The following MUSK variants were observed in gnomAD, a reference collection of about 807,000 sequenced individuals.
The protein encoded by MUSK is muscle, skeletal receptor tyrosine-protein kinase.
A neutral mutation model predicts 88.7 loss-of-function variants in MUSK; 55 were observed. That is an observed-to-expected ratio of 0.62 (90% CI 0.50 to 0.78). The LOEUF (loss-of-function observed/expected upper bound fraction) is 0.78, where lower values mean the gene tolerates loss of function less well. Ranked by LOEUF, MUSK falls within the 30% of genes least tolerant of loss-of-function variation. MUSK has a pLI of 0.00. For missense variants in MUSK, 1,015 were observed against 1,074.3 expected (o/e 0.94, Z 0.77); for synonymous variants, 387 against 391.9 (o/e 0.99, Z 0.15).
rs901284623 is a variant in MUSK, at chr9:110,801,714, C to G, written c.*726C>G. 1 of 152,032 alleles carries G rather than the reference C, an allele frequency of 6.6e-6. No individual in the cohort carries two copies. The highest frequency in any genetic ancestry group is 1.5e-5 in the Non-Finnish European group (1 of 67,984). 9.4% of individuals were successfully genotyped at this position (152,032 alleles called of 1,614,324 possible). A position where few individuals can be genotyped will look rare whatever the true frequency, so the allele number is the denominator to read the frequency against. On this transcript the variant is annotated 3_prime_UTR_variant, in exon 15 of 15. Transcript: ENST00000374448. ...CTGCTTATTTTATTCCTCCAGTTTT[C>G]TTGAAACAAGTTTTTGTATCTTACT...
At chr9:110,776,728 A>G (rs374688146) in intron 11 of MUSK, 73 bp downstream of exon 11, 8 of 1,269,594 alleles carry the variant, frequency 6.3e-6, no homozygotes, top group African/African-American at 6.0e-5. Flanking sequence ...GTTTACACTT[A>G]TATTTCCTGA....
intron 9 of MUSK, among the ~76,000 whole-genome samples, chr9:110,771,374 G>C (rs1258638958): frequency 1.3e-5 from 2 of 151,872 alleles, no homozygotes; most frequent in Non-Finnish European, 2.9e-5. Flanking sequence ...ACAGGCGTGA[G>C]CCACCGCGCC....
chr9:110,766,909 A>C (rs193205916), intron 8 of MUSK, among the ~76,000 whole-genome samples: 1 of 152,348 alleles, frequency 6.6e-6, no homozygotes, highest in African/African-American at 2.4e-5. Context: ...AGGTGAGAAT[A>C]TGAGTTGTTA....
chr9:110,726,828 C>T (rs774788850), intron 5 of MUSK, among the ~76,000 whole-genome samples: 8 of 151,972 alleles, frequency 5.3e-5, no homozygotes, highest in Non-Finnish European at 1.2e-4. Context: ...AAAGATGTGT[C>T]CAGCCCGAAG....
chr9:110,752,068 T>C (rs757032546), intron 7 of MUSK, among the ~76,000 whole-genome samples: 13 of 152,148 alleles, frequency 8.5e-5, no homozygotes, highest in Admixed American at 6.5e-4. Context: ...CACTGATTAT[T>C]AGGGGACTTG....
chr9:110,720,104 T>C (rs974834685), intron 5 of MUSK, among the ~76,000 whole-genome samples: 2 of 151,852 alleles, frequency 1.3e-5, no homozygotes, highest in Non-Finnish European at 2.9e-5. Flanking sequence ...GCAAAAACGG[T>C]ACTAAGAGGA....
intron 5 of MUSK, among the ~76,000 whole-genome samples, chr9:110,703,897 G>C (rs72754594): frequency 3.9e-5 from 6 of 152,086 alleles, no homozygotes; most frequent in African/African-American, 1.4e-4. Context: ...AGTCCCAATC[G>C]GTAAAAATGA....
intron 7 of MUSK, among the ~76,000 whole-genome samples, chr9:110,752,330 A>G (rs2131891148): frequency 6.6e-6 from 1 of 152,342 alleles, no homozygotes; most frequent in Non-Finnish European, 1.5e-5. Flanking sequence ...TCGATGAAAA[A>G]GGGATCCTTG....
At chr9:110,691,128 G>C (rs897511770) in intron 3 of MUSK, among the ~76,000 whole-genome samples, 2 of 151,998 alleles carry the variant, frequency 1.3e-5, no homozygotes, top group Non-Finnish European at 2.9e-5. Flanking sequence ...GCCTCCCAAA[G>C]TTCTGGGATT....
At chr9:110,693,763 CATT>C (rs2076389739) in intron 3 of MUSK, among the ~76,000 whole-genome samples, 1 of 152,162 alleles carries the variant, frequency 6.6e-6, no homozygotes, top group Admixed American at 6.5e-5. Context: ...TTACCTAAGA[CATT>C]ATCTGTGCCT....
At chr9:110,781,505 T>A (rs1234323597) in intron 11 of MUSK, among the ~76,000 whole-genome samples, 2 of 152,200 alleles carry the variant, frequency 1.3e-5, no homozygotes, top group Non-Finnish European at 2.9e-5. Flanking sequence ...CTCGATCTCC[T>A]GACCTCGTGA....
intron 3 of MUSK, among the ~76,000 whole-genome samples, chr9:110,690,270 G>A (rs1174672769): frequency 2.1e-5 from 2 of 95,260 alleles, no homozygotes; most frequent in Non-Finnish European, 3.7e-5. Context: ...ATATATTTAA[G>A]TACAAATATA....
At chr9:110,690,030 T>A (rs1398739560) in intron 3 of MUSK, among the ~76,000 whole-genome samples, 2 of 95,548 alleles carry the variant, frequency 2.1e-5, no homozygotes, top group African/African-American at 4.4e-5. Context: ...ATATATTATA[T>A]ATTAATATAA....
At chr9:110,776,758 A>G in intron 11 of MUSK, 103 bp downstream of exon 11, 1 of 1,012,808 alleles carries the variant, frequency 9.9e-7, no homozygotes, top group Non-Finnish European at 1.4e-6. Context: ...CAGAATGTAC[A>G]GCCGCTCTCA....
In MUSK at chr9:110,680,024, T is replaced by C. The variant is rs1306360647; in HGVS notation, c.80-2650T>C. ...CTATTGTTTTTTATAACTCACCCCT[T>C]TCTTTCTGGTATAAATTATTCCTTA... On this transcript the variant is annotated intron_variant, in intron 1 of 14. Transcript: ENST00000374448. Among the ~76,000 whole-genome samples, 2 of 152,190 alleles carry C rather than the reference T, an allele frequency of 1.3e-5. 1 individual carries two copies. The highest frequency in any genetic ancestry group is 1.3e-4 in the Admixed American group (2 of 15,274).
chr9:110,699,668 CA>C (rs1238341642), intron 5 of MUSK, among the ~76,000 whole-genome samples: 1 of 151,960 alleles, frequency 6.6e-6, no homozygotes, highest in African/African-American at 2.4e-5. Flanking sequence ...GGAAAAACCT[CA>C]AAAGTACATG....
At chr9:110,706,009 A>G (rs2076593842) in intron 5 of MUSK, 1 of 453,328 alleles carries the variant, frequency 2.2e-6, no homozygotes, top group East Asian at 6.6e-5. Context: ...TTACAATCAC[A>G]ATTGAATAAA....
intron 11 of MUSK, among the ~76,000 whole-genome samples, chr9:110,778,765 A>G (rs2077707252): frequency 6.6e-6 from 1 of 152,040 alleles, no homozygotes; most frequent in African/African-American, 2.4e-5. Flanking sequence ...GTTATTACTA[A>G]TGTTTCTTAA....
At chr9:110,700,285 T>C (rs898656444) in intron 5 of MUSK, among the ~76,000 whole-genome samples, 1 of 152,160 alleles carries the variant, frequency 6.6e-6, no homozygotes. Flanking sequence ...ATTCTGCCAT[T>C]TTAGGAAACA....
Sources: allele counts gnomAD v4.1 joint callset (sites outside exome capture counted in the v4.1 genomes callset), GRCh38; gene constraint gnomAD v4.1.1; transcripts MANE v1.5; gene names NCBI Gene and HGNC (gene_info 2026-07-23, HGNC 2026-07-21).